PARVB: variants seen among roughly 807,000 people sequenced by gnomAD.
PARVB encodes the protein parvin beta, also known as beta-parvin.
PARVB carries 46 observed loss-of-function variants against 47.0 expected under a neutral mutation model. That is an observed-to-expected ratio of 0.98 (90% CI 0.77 to 1.25). PARVB has a LOEUF of 1.25. Ranked by LOEUF, PARVB falls within the 50% of genes most tolerant of loss-of-function variation. PARVB has a pLI of 0.00. For missense variants in PARVB, 473 were observed against 471.6 expected (o/e 1.00, Z -0.03); for synonymous variants, 196 against 196.3 (o/e 1.00, Z 0.01).
chr22:44,061,058 T>C (rs1176631642), intron 1 of PARVB, among the ~76,000 whole-genome samples: 1 of 152,228 alleles, frequency 6.6e-6, no homozygotes, highest in Non-Finnish European at 1.5e-5. Context: ...CTGTGCGTTC[T>C]CTGCAAGGCA....
At chr22:44,011,342 G>A (rs1165784793) in intron 2 of PARVB, among the ~76,000 whole-genome samples, 1 of 152,088 alleles carries the variant, frequency 6.6e-6, no homozygotes, top group African/African-American at 2.4e-5. Context: ...GCCAGGCACG[G>A]CGGCTCACGC....
At chr22:44,037,803 G>T (rs112747000) in intron 1 of PARVB, among the ~76,000 whole-genome samples, 2 of 152,206 alleles carry the variant, frequency 1.3e-5, no homozygotes, top group Non-Finnish European at 1.5e-5. Flanking sequence ...TTAGGAAGAC[G>T]CGCTAGAGGA....
Position 44,093,950 on chromosome 22 carries a change from C to T in PARVB, c.135C>T (p.Gly45=), listed in dbSNP as rs2052233060. 6.2e-7 allele frequency: 1 copy of T among 1,613,600 alleles called. No individual in the cohort carries two copies. Among genetic ancestry groups the T allele is most frequent in the East Asian group, 2.2e-5 (1 of 44,860 alleles). Reference sequence around the variant, plus strand: ...CAGTGAGTGACCTGCAGGAAGAAGGCAAGAATGCCATCAACTCACCGATGT... The same window carrying T: ...CAGTGAGTGACCTGCAGGAAGAAGGTAAGAATGCCATCAACTCACCGATGT... ...AREVSDLQEE[G]KNAINSPMSP... The change falls in exon 2 of 13, where the codon GGC becomes GGT. Residue 45 remains glycine, a synonymous_variant. Transcript: ENST00000338758.
At chr22:44,134,103 C>T (rs1013597818) in intron 6 of PARVB, among the ~76,000 whole-genome samples, 4 of 152,092 alleles carry the variant, frequency 2.6e-5, no homozygotes, top group Admixed American at 6.5e-5. Context: ...TTCTCAGTCC[C>T]GTGGTCTCTG....
chr22:44,133,539 TA>T (rs2053376699), intron 6 of PARVB, among the ~76,000 whole-genome samples: 1 of 152,172 alleles, frequency 6.6e-6, no homozygotes, highest in African/African-American at 2.4e-5. Context: ...ATTTATTTTT[TA>T]TTTTATTTTA....
chr22:44,058,721 A>AT (rs1479448343), intron 1 of PARVB, among the ~76,000 whole-genome samples: 2 of 151,672 alleles, frequency 1.3e-5, no homozygotes, highest in Non-Finnish European at 2.9e-5. Context: ...CACCTGGCTA[A>AT]TTTTTGTATT....
intron 4 of PARVB, among the ~76,000 whole-genome samples, chr22:44,130,625 C>A (rs964432019): frequency 2.6e-5 from 4 of 152,096 alleles, no homozygotes; most frequent in African/African-American, 4.8e-5. Flanking sequence ...AGAATGGGAG[C>A]CTCAGGTGTG....
chr22:44,048,162 G>A (rs73178471), intron 1 of PARVB, among the ~76,000 whole-genome samples: 1,687 of 152,328 alleles, frequency 0.011, 23 homozygotes, highest in Non-Finnish European at 0.015. Context: ...AGGCCCATAG[G>A]AGAGGCGAGA....
chr22:44,072,586 G>A (rs1416115925), intron 1 of PARVB, among the ~76,000 whole-genome samples: 2 of 152,114 alleles, frequency 1.3e-5, no homozygotes, highest in Non-Finnish European at 2.9e-5. Context: ...GATTACAAGT[G>A]CATGCCATCA....
At chr22:44,071,884 C>T (rs772537614) in intron 1 of PARVB, among the ~76,000 whole-genome samples, 1 of 152,204 alleles carries the variant, frequency 6.6e-6, no homozygotes, top group East Asian at 1.9e-4. Context: ...CCCCTGTAGG[C>T]GTCCATGCCT....
intron 1 of PARVB, among the ~76,000 whole-genome samples, chr22:44,029,771 G>T (rs1040456579): frequency 9.2e-5 from 14 of 152,104 alleles, no homozygotes; most frequent in Admixed American, 2.0e-4. Flanking sequence ...TTAGCCGGGC[G>T]TGGTGGCACA....
At chr22:44,111,673 CCTGGG>C (rs2052702444) in intron 3 of PARVB, 1 of 151,836 alleles carries the variant, frequency 6.6e-6, no homozygotes, top group African/African-American at 2.4e-5. Context: ...GTCTCAAACT[CCTGGG>C]CTCAAACACT....
intron 10 of PARVB, among the ~76,000 whole-genome samples, chr22:44,154,927 CTGTG>C (rs1244250941): frequency 1.8e-5 from 2 of 112,976 alleles, no homozygotes; most frequent in Non-Finnish European, 3.5e-5. Context: ...TTTATGCAGT[CTGTG>C]TGGTGTGATG....
intron 1 of PARVB, among the ~76,000 whole-genome samples, chr22:44,048,955 G>A (rs1406090009): frequency 2.0e-5 from 3 of 152,170 alleles, no homozygotes; most frequent in Admixed American, 2.0e-4. Context: ...CTCCTAAAAT[G>A]CTGGGATTAC....
intron 3 of PARVB, among the ~76,000 whole-genome samples, chr22:44,100,373 A>C (rs1423958091): frequency 6.6e-6 from 1 of 152,086 alleles, no homozygotes; most frequent in African/African-American, 2.4e-5. Flanking sequence ...TCTTTGCTGG[A>C]CAGAGCTCGG....
At chr22:44,085,755 C>T (rs772876229) in intron 1 of PARVB, among the ~76,000 whole-genome samples, 97 of 152,354 alleles carry the variant, frequency 6.4e-4, no homozygotes, top group Non-Finnish European at 9.1e-4. Flanking sequence ...CTCGGCTACA[C>T]GCAGACTCTC....
At chr22:44,059,870 C>G (rs2051387410) in intron 1 of PARVB, among the ~76,000 whole-genome samples, 3 of 152,172 alleles carry the variant, frequency 2.0e-5, no homozygotes, top group Admixed American at 1.3e-4. Context: ...CGTGTTTGCT[C>G]AGCATCATGG....
chr22:44,055,797 G>C (rs1017834210), intron 1 of PARVB, among the ~76,000 whole-genome samples: 2 of 152,190 alleles, frequency 1.3e-5, no homozygotes, highest in Non-Finnish European at 2.9e-5. Flanking sequence ...GTCAGCCCAA[G>C]TGCGGGAGGA....
rs1427907800 is a variant in PARVB, at chr22:44,170,397, CCAAATACCATCA to C, written c.*1722_*1733del. ...GATTACCTCCATAAAGACCCTGTCT[CCAAATACCATCA>C]CATCAGAGGTGCTGGGGTTAGGACT... On this transcript the variant is annotated 3_prime_UTR_variant, in exon 13 of 13. Coordinates refer to ENST00000338758, the MANE Select transcript of PARVB (RefSeq NM_013327.5). The C allele has an allele frequency of 6.6e-5, 10 of 152,146 alleles. No homozygotes were observed. The highest frequency in any genetic ancestry group is 1.3e-4 in the Non-Finnish European group (9 of 68,032). 9.4% of individuals were successfully genotyped at this position (152,146 alleles called of 1,614,324 possible).
Sources: allele counts gnomAD v4.1 joint callset (sites outside exome capture counted in the v4.1 genomes callset), GRCh38; gene constraint gnomAD v4.1.1; transcripts MANE v1.5; gene names NCBI Gene and HGNC (gene_info 2026-07-23, HGNC 2026-07-21).